The following COL24A1 variants were observed in gnomAD, a reference collection of about 807,000 sequenced individuals.
The protein encoded by COL24A1 is collagen alpha-1(XXIV) chain.
In COL24A1, 224 loss-of-function variants were observed where a neutral mutation model predicts 253.9. The observed-to-expected ratio is 0.88, with a 90% CI of 0.79 to 0.99. The LOEUF is 0.99. COL24A1 is among the 50% of genes least tolerant of loss of function. COL24A1 has a pLI of 0.00. For synonymous variants in COL24A1, 685 were observed against 673.7 expected (o/e 1.02, Z -0.26); for missense variants, 2,131 against 2,068.5 (o/e 1.03, Z -0.59).
At chr1:85,795,071 G>A (rs1334500761) in intron 47 of COL24A1, among the ~76,000 whole-genome samples, 1 of 152,170 alleles carries the variant, frequency 6.6e-6, no homozygotes, top group African/African-American at 2.4e-5. Context: ...TTTATTGAGT[G>A]CATTCCATTT....
rs77467407 is a variant in COL24A1 at position 85,912,779 on chromosome 1, T to C, written c.2563-1346A>G. On this transcript the variant is annotated intron_variant, in intron 24 of 59. Coordinates refer to ENST00000370571, the MANE Select transcript of COL24A1 (RefSeq NM_152890.7). ...TGAGTTTAAGTGGCTATTGAGCACT[T>C]GAAATGTGGTTAGTGCAAATTGACA... Among the ~76,000 whole-genome samples, 87 of 152,344 alleles carry C rather than the reference T, an allele frequency of 5.7e-4. 1 individual carries two copies. The East Asian group carries it at 0.017, about 29-fold the overall frequency.
rs1425812758 is a variant in COL24A1 at position 85,829,587 on chromosome 1, T to C, written c.3682-5849A>G. On this transcript the variant is annotated intron_variant, in intron 43 of 59. Transcript: ENST00000370571. ...ATCAGACGTAGATTTGGTTTTTTCA[T>C]ATAGCCCCATATTTCTTGGAGGCTT... is the stretch of plus-strand genomic sequence containing the variant. 3.9e-5 allele frequency among the ~76,000 whole-genome samples: 6 copies of C among 152,076 alleles called. No individual in the cohort carries two copies. In the East Asian group the frequency reaches 1.2e-3, roughly 29 times the overall value.
At chr1:86,053,033 A>T (rs191311730) in intron 10 of COL24A1, among the ~76,000 whole-genome samples, 1 of 152,232 alleles carries the variant, frequency 6.6e-6, no homozygotes, top group East Asian at 1.9e-4. Flanking sequence ...ATAAAGTGAA[A>T]CATCTATGAT....
rs1230556305 is a variant in COL24A1 at position 85,830,374 on chromosome 1, T to C, written c.3682-6636A>G. On this transcript the variant is annotated intron_variant, in intron 43 of 59. Transcript: ENST00000370571. ...GTCTGCAGGGTTACTGCTGTCTTTT[T>C]GTCTGTCTGTGCCCTGCCCCCAGAG... 2.6e-5 allele frequency among the ~76,000 whole-genome samples: 4 copies of C among 152,144 alleles called. 1 individual carries two copies. The highest frequency in any genetic ancestry group is 2.6e-4 in the Admixed American group (4 of 15,238).
intron 53 of COL24A1, among the ~76,000 whole-genome samples, chr1:85,764,749 CA>C (rs1667195692): frequency 6.6e-6 from 1 of 151,984 alleles, no homozygotes; most frequent in Non-Finnish European, 1.5e-5. Flanking sequence ...AGACTTTTAT[CA>C]ATTTTCTTCC....
chr1:86,134,260 C>A (rs1649831721), intron 2 of COL24A1, among the ~76,000 whole-genome samples: 1 of 149,468 alleles, frequency 6.7e-6, no homozygotes, highest in Admixed American at 6.7e-5. Context: ...ATTGGTCTTG[C>A]TGGCGGTTTA....
chr1:85,912,960 CTTTT>C (rs1005348497), intron 24 of COL24A1, among the ~76,000 whole-genome samples: 11 of 152,096 alleles, frequency 7.2e-5, no homozygotes, highest in Non-Finnish European at 1.6e-4. Context: ...TCACCTCTTT[CTTTT>C]TATCTTTTTT....
At chr1:85,908,973 T>TCA (rs1178024920) in intron 26 of COL24A1, among the ~76,000 whole-genome samples, 1 of 151,794 alleles carries the variant, frequency 6.6e-6, no homozygotes, top group African/African-American at 2.4e-5. Context: ...TTTCTGAAGA[T>TCA]CATGTTATCT....
chr1:85,885,724 T>C lies in COL24A1; in HGVS notation c.2976+3836A>G, dbSNP rs546312730. Among the ~76,000 whole-genome samples the C allele has an allele frequency of 6.6e-5, 10 of 152,306 alleles. No homozygotes were observed. In the South Asian group the frequency reaches 1.9e-3, roughly 28 times the overall value. On this transcript the variant is annotated intron_variant, in intron 32 of 59. Coordinates refer to ENST00000370571, the MANE Select transcript of COL24A1 (RefSeq NM_152890.7). ...TATAATTGTTTTGAAATGATTATCC[T>C]TGGCTAAAAATATCAACAACAATGG... is the stretch of plus-strand genomic sequence containing the variant.
intron 35 of COL24A1, among the ~76,000 whole-genome samples, chr1:85,871,493 C>T (rs1427097721): frequency 3.3e-5 from 5 of 152,162 alleles, no homozygotes; most frequent in Non-Finnish European, 7.3e-5. Flanking sequence ...AAAAGCTTAT[C>T]CACCATGATC....
At chr1:86,082,695 T>A (rs997743109) in intron 7 of COL24A1, among the ~76,000 whole-genome samples, 1 of 148,084 alleles carries the variant, frequency 6.8e-6, no homozygotes, top group Non-Finnish European at 1.5e-5. Flanking sequence ...AATACATAAA[T>A]ACAATTTACA....
chr1:85,761,832 T>C (rs28622579), intron 53 of COL24A1, among the ~76,000 whole-genome samples: 255 of 152,292 alleles, frequency 1.7e-3, no homozygotes, highest in African/African-American at 5.7e-3. Context: ...AATGTAACAT[T>C]TTAAAATATT....
intron 38 of COL24A1, among the ~76,000 whole-genome samples, 192 bp downstream of exon 38, chr1:85,849,161 T>C (rs1360102318): frequency 1.3e-5 from 2 of 152,072 alleles, no homozygotes; most frequent in African/African-American, 2.4e-5. Flanking sequence ...AAATTTGCCT[T>C]CAAATAATCA....
At chr1:86,051,534 A>G (rs1029729143) in intron 10 of COL24A1, among the ~76,000 whole-genome samples, 19 of 152,106 alleles carry the variant, frequency 1.2e-4, no homozygotes, top group African/African-American at 4.6e-4. Context: ...TTTGCAAAGA[A>G]TTGCAAATAG....
chr1:86,150,137 T>G (rs1652550890), intron 1 of COL24A1, among the ~76,000 whole-genome samples: 2 of 152,314 alleles, frequency 1.3e-5, no homozygotes, highest in Non-Finnish European at 1.5e-5. Context: ...CAGTCTCCAC[T>G]TACCATTCTT....
At chr1:85,761,600 T>G (rs557137191) in intron 53 of COL24A1, 34 bp from the exon 54 acceptor site, 1 of 1,611,548 alleles carries the variant, frequency 6.2e-7, no homozygotes, top group African/African-American at 1.3e-5. Context: ...AAGACCTATA[T>G]ATTATACTTT....
chr1:85,918,027 C>T (rs1686069013), intron 24 of COL24A1, among the ~76,000 whole-genome samples: 1 of 152,000 alleles, frequency 6.6e-6, no homozygotes, highest in South Asian at 2.1e-4. Flanking sequence ...TTTAGATGTT[C>T]TAAATTCCTT....
At chr1:85,914,959 CTT>C (rs1397045221) in intron 24 of COL24A1, among the ~76,000 whole-genome samples, 6 of 152,246 alleles carry the variant, frequency 3.9e-5, no homozygotes, top group African/African-American at 1.4e-4. Flanking sequence ...TGGGGGCAAA[CTT>C]GACAATGGGG....
Position 85,907,246 on chromosome 1 carries a change from C to T in COL24A1, c.2726G>A (p.Gly909Asp), listed in dbSNP as rs576034364. 1 of 1,610,090 alleles carries T rather than the reference C, an allele frequency of 6.2e-7. No individual in the cohort carries two copies. Among genetic ancestry groups the T allele is most frequent in the South Asian group, 1.1e-5 (1 of 90,836 alleles). Reference protein sequence around the residue: ...PGPIGPLGLPGHVGARGPPGS... With the variant: ...PGPIGPLGLPDHVGARGPPGS... ...AGGTGGTCCTCTTGCCCCCACATGA[C>T]CCTATATGTTGTAAATTTAAAGTCA... The change falls in exon 28 of 60, where the codon GGT (glycine) becomes GAT (aspartate). Residue 909 changes from glycine to aspartate, a missense_variant and splice_region_variant. Physicochemically the swap from Gly to Asp is moderately conservative, Grantham distance 94. Transcript: ENST00000370571.
Sources: allele counts gnomAD v4.1 joint callset (sites outside exome capture counted in the v4.1 genomes callset), GRCh38; gene constraint gnomAD v4.1.1; transcripts MANE v1.5; gene names NCBI Gene and HGNC (gene_info 2026-07-23, HGNC 2026-07-21).